Variants in USP42 observed in about 807,000 individuals in gnomAD.
The protein encoded by USP42 is ubiquitin specific peptidase 42.
A neutral mutation model predicts 113.0 loss-of-function variants in USP42; 23 were observed. That is an observed-to-expected ratio of 0.20 (90% confidence interval 0.15 to 0.29). The LOEUF (loss-of-function observed/expected upper bound fraction) is 0.29. USP42 is among the 10% of genes least tolerant of loss of function. USP42 has a pLI of 1.00. For missense variants in USP42, 2,174 were observed against 1,779.8 expected, an observed-to-expected ratio of 1.22 and a Z score of -3.99; for synonymous variants, 933 against 699.0, an observed-to-expected ratio of 1.33 and a Z score of -5.28.
At chr7:6,127,782 C>G (rs1780619124) in intron 3 of USP42, among the ~76,000 whole-genome samples, 1 of 152,152 alleles carries the variant, frequency 6.6e-6, no homozygotes, top group Admixed American at 6.5e-5. Context: ...ATAAAATAAT[C>G]TATATAAAAT....
chr7:6,119,939 C>T (rs765001844), intron 3 of USP42, among the ~76,000 whole-genome samples: 2 of 152,034 alleles, frequency 1.3e-5, no homozygotes, highest in Non-Finnish European at 2.9e-5. Context: ...TACGCTTAAG[C>T]GGTTCTCTTG....
Position 6,111,131 on chromosome 7 carries a change from A to G in USP42, c.-3A>G. 1.2e-6 allele frequency: 2 copies of G among 1,610,642 alleles called. No homozygotes were observed. The highest frequency in any genetic ancestry group is 1.7e-6 in the Non-Finnish European group (2 of 1,177,240). ...TACTTTTCATCTTTTGCAGAGTTGA[A>G]CAATGACCATAGTTGACAAAGCTTC... On this transcript the variant is annotated 5_prime_UTR_variant, in exon 2 of 18. Coordinates refer to ENST00000306177, the MANE Select transcript of USP42 (RefSeq NM_032172.3).
At chr7:6,132,635 A>G (rs1221748397) in intron 3 of USP42, among the ~76,000 whole-genome samples, 3 of 151,776 alleles carry the variant, frequency 2.0e-5, no homozygotes, top group Non-Finnish European at 4.4e-5. Flanking sequence ...CTGGGATTAC[A>G]GGCATGAGCC....
intron 3 of USP42, chr7:6,116,675 A>G: frequency 4.3e-6 from 2 of 460,970 alleles, no homozygotes; most frequent in South Asian, 3.4e-5. Flanking sequence ...AAGAATTTGG[A>G]AAGTACAGAA....
chr7:6,104,468 G>A (rs1779130612), upstream of USP42, among the ~76,000 whole-genome samples: 1 of 152,278 alleles, frequency 6.6e-6, no homozygotes, highest in Non-Finnish European at 1.5e-5. Flanking sequence ...CGAAGCCCAC[G>A]AAGCGGAGGA....
chr7:6,131,219 C>T (rs1031008468), intron 3 of USP42, among the ~76,000 whole-genome samples: 1 of 152,096 alleles, frequency 6.6e-6, no homozygotes, highest in African/African-American at 2.4e-5. Flanking sequence ...ATAATTCTTA[C>T]AATTCCAGCA....
At chr7:6,137,844 C>A (rs1194904674) in intron 4 of USP42, among the ~76,000 whole-genome samples, 1 of 151,728 alleles carries the variant, frequency 6.6e-6, no homozygotes, top group African/African-American at 2.4e-5. Flanking sequence ...CTACCCCTGG[C>A]TAATTTTTGT....
In USP42 at chr7:6,146,202, A is replaced by G. The variant is rs375285669; in HGVS notation, c.1186A>G (p.Ile396Val). The G allele has an allele frequency of 1.2e-5, 19 of 1,604,850 alleles. No individual in the cohort carries two copies. The Admixed American group carries it at 2.7e-4, about 23-fold the overall frequency. The change falls in exon 11 of 18, where the codon ATT becomes GTT. Residue 396 changes from isoleucine (I) to valine (V), a missense_variant. Ile to Val is a conservative substitution (Grantham distance 29). Transcript: ENST00000306177. ...MNDSIVSTSD[I>V]RSVLSQQAYV... ...TGACTCCATTGTATCTACCAGTGAT[A>G]TTAGATCGGTACTCAGCCAACAAGC... is the stretch of plus-strand genomic sequence containing the variant.
rs146034301 is a variant in USP42, at chr7:6,118,588, T to C, written c.442+3065T>C. The stretch of plus-strand genomic sequence containing the variant: ...CTACAGGTCACAAATATTTTTCCTA[T>C]ACTTTCTTCTAGAAGTCTTAAAGTT... On this transcript the variant is annotated intron_variant, in intron 3 of 17. Coordinates refer to ENST00000306177, the MANE Select transcript of USP42 (RefSeq NM_032172.3). Among the ~76,000 whole-genome samples, 9 of 152,286 alleles carry C rather than the reference T, an allele frequency of 5.9e-5. No individual in the cohort carries two copies. The East Asian group carries it at 1.7e-3, about 29-fold the overall frequency.
chr7:6,125,446 C>T (rs1780484199), intron 3 of USP42, among the ~76,000 whole-genome samples: 2 of 152,128 alleles, frequency 1.3e-5, no homozygotes, highest in African/African-American at 2.4e-5. Context: ...GCCAAGAACA[C>T]ACCACTGCAC....
At chr7:6,117,241 G>A (rs866002327) in intron 3 of USP42, among the ~76,000 whole-genome samples, 1 of 151,912 alleles carries the variant, frequency 6.6e-6, no homozygotes, top group African/African-American at 2.4e-5. Context: ...TCTGCTTTCC[G>A]TCACTATAGA....
intron 7 of USP42, among the ~76,000 whole-genome samples, chr7:6,141,196 C>CTTTTT (rs199589142): frequency 1.8e-4 from 24 of 131,840 alleles, no homozygotes; most frequent in South Asian, 4.8e-4. Context: ...TTTTCTTTTT[C>CTTTTT]TTTTCTTTTT....
At chr7:6,153,302 C>CAAAA (rs72036975) in intron 14 of USP42, among the ~76,000 whole-genome samples, 6 of 133,166 alleles carry the variant, frequency 4.5e-5, no homozygotes, top group African/African-American at 1.6e-4. Context: ...TGAAACAAAA[C>CAAAA]AAAAAAAAAA....
At chr7:6,124,949 G>A (rs1780445085) in intron 3 of USP42, among the ~76,000 whole-genome samples, 1 of 152,048 alleles carries the variant, frequency 6.6e-6, no homozygotes, top group African/African-American at 2.4e-5. Context: ...GGGAGGCTGA[G>A]GTGGGCAGAT....
rs772330324 is a variant in USP42, at chr7:6,154,608, T to C, written c.3054T>C (p.Ser1018=). The change falls in exon 15 of 18, where the codon AGT becomes AGC. Residue 1018 remains serine (S), a synonymous_variant. Transcript: ENST00000306177. ...PGERRSLGRC[S]HHHSRHRSGV... ...AGCGCCGCTCTCTGGGCAGGTGCAG[T>C]CACCACCACTCCCGACACCGGAGCG... 1.9e-6 allele frequency: 3 copies of C among 1,589,764 alleles called. No homozygotes were observed. Among genetic ancestry groups the C allele is most frequent in the African/African-American group, 2.7e-5 (2 of 74,402 alleles).
chr7:6,143,706 AATT>A (rs1397112642), intron 8 of USP42, among the ~76,000 whole-genome samples: 4 of 151,964 alleles, frequency 2.6e-5, no homozygotes, highest in East Asian at 1.9e-4. Context: ...TTCATATAAT[AATT>A]ATTATTATTT....
At chr7:6,121,634 C>T (rs1489653118) in intron 3 of USP42, among the ~76,000 whole-genome samples, 1 of 152,118 alleles carries the variant, frequency 6.6e-6, no homozygotes, top group African/African-American at 2.4e-5. Flanking sequence ...TGCAGTTTCT[C>T]ATGGGCAGGT....
At chr7:6,128,796 A>G (rs766243267) in intron 3 of USP42, among the ~76,000 whole-genome samples, 1 of 151,734 alleles carries the variant, frequency 6.6e-6, no homozygotes, top group Non-Finnish European at 1.5e-5. Flanking sequence ...AAATTACATC[A>G]TTTTGCTTTA....
At chr7:6,089,110 T>C in the USP42 span, among the ~76,000 whole-genome samples, 1 of 150,766 alleles carries the variant, frequency 6.6e-6, no homozygotes, top group Non-Finnish European at 1.5e-5. Flanking sequence ...AGTGGTGCGA[T>C]CTCTGTTCAC....
Sources: gnomAD v4.1 joint callset for allele counts (sites outside exome capture counted in the v4.1 genomes callset) on GRCh38, gnomAD v4.1.1 for gene constraint, MANE v1.5 for transcripts, NCBI Gene and HGNC (gene_info 2026-07-23, HGNC 2026-07-21) for gene names.